CCDC171: variants seen among roughly 807,000 people sequenced by gnomAD.
The protein encoded by CCDC171 is coiled-coil domain containing 171.
In CCDC171, 177 loss-of-function variants were observed where a neutral mutation model predicts 168.2. That is an observed-to-expected ratio of 1.05 (90% CI 0.93 to 1.19). The LOEUF (loss-of-function observed/expected upper bound fraction) is 1.19, where lower values mean the gene tolerates loss of function less well. CCDC171 is among the 50% of genes most tolerant of loss of function. CCDC171 has a pLI of 0.00. For missense variants in CCDC171, 1,991 were observed against 1,539.0 expected (o/e 1.29, Z -4.91); for synonymous variants, 687 against 540.8 (o/e 1.27, Z -3.75).
At chr9:15,996,902 G>A (rs1419496323) in intron 3 of CCDC171, among the ~76,000 whole-genome samples, 1 of 152,146 alleles carries the variant, frequency 6.6e-6, no homozygotes, top group Non-Finnish European at 1.5e-5. Flanking sequence ...GATACATCAT[G>A]CATTAAGAAA....
At chr9:15,689,980 T>C (rs2050676652) in intron 10 of CCDC171, among the ~76,000 whole-genome samples, 1 of 152,166 alleles carries the variant, frequency 6.6e-6, no homozygotes, top group African/African-American at 2.4e-5. Flanking sequence ...CAAATGGTGC[T>C]GAGAGAACTG....
intron 21 of CCDC171, among the ~76,000 whole-genome samples, chr9:15,824,405 T>G (rs977973590): frequency 6.6e-6 from 1 of 152,066 alleles, no homozygotes; most frequent in African/African-American, 2.4e-5. Flanking sequence ...TAGAAATATA[T>G]TCTGTGATGT....
At chr9:15,634,721 C>T (rs2046060777) in intron 7 of CCDC171, among the ~76,000 whole-genome samples, 2 of 152,202 alleles carry the variant, frequency 1.3e-5, no homozygotes, top group Admixed American at 6.5e-5. Flanking sequence ...GTATTCACAG[C>T]ATTGTGCAAC....
At position 15,563,081 on chromosome 9, in the gene CCDC171, C is replaced by G. The variant is rs899043819; in HGVS notation, c.-111-897C>G. On this transcript the variant is annotated intron_variant, in intron 1 of 25. Coordinates refer to ENST00000380701, the MANE Select transcript of CCDC171 (RefSeq NM_173550.4). ...TTAGAAAGAACTTGAACTTCAGTGT[C>G]AGAGAGTTATGAATTGGAATCTTGG... Among the ~76,000 whole-genome samples the G allele has an allele frequency of 1.6e-4, 24 of 150,688 alleles. 1 individual carries two copies. Among genetic ancestry groups the G allele is most frequent in the Admixed American group, 1.5e-3 (22 of 15,160 alleles).
rs1246002379 is a variant in CCDC171, at chr9:15,724,940, G to T, written c.1656G>T (p.Leu552=). The change falls in exon 14 of 26, where the codon CTG becomes CTT. Residue 552 remains leucine (L), a synonymous_variant. Transcript: ENST00000380701. ...AGGCAGCCCAGTCTGAAAGTGAACT[G>T]CAGAAGCTTTCCCAGGCTTTCCATA... ...KAQAAQSESE[L]QKLSQAFHKD... 3 of 1,613,800 alleles carry T rather than the reference G, an allele frequency of 1.9e-6. No individual in the cohort carries two copies.
At chr9:15,649,767 G>A (rs1564136477) in intron 7 of CCDC171, among the ~76,000 whole-genome samples, 1 of 152,230 alleles carries the variant, frequency 6.6e-6, no homozygotes, top group African/African-American at 2.4e-5. Context: ...TAGAGAGGAT[G>A]TGGAGAAATA....
At chr9:15,727,818 T>C in intron 14 of CCDC171, 51 bp from the exon 15 acceptor site, 1 of 1,438,572 alleles carries the variant, frequency 7.0e-7, no homozygotes, top group Non-Finnish European at 9.4e-7. Context: ...GTATTTTACT[T>C]CTTACAATGT....
chr9:15,766,483 C>G (rs11998843), intron 18 of CCDC171, among the ~76,000 whole-genome samples: 3,726 of 151,160 alleles, frequency 0.025, 156 homozygotes, highest in African/African-American at 0.087. Flanking sequence ...TTCCATATTG[C>G]AATAAATTAA....
chr9:15,877,695 GA>G (rs1195391218), intron 24 of CCDC171, among the ~76,000 whole-genome samples: 2 of 152,020 alleles, frequency 1.3e-5, no homozygotes, highest in East Asian at 3.9e-4. Context: ...ACCCCTATTA[GA>G]CCAATTAGCT....
chr9:15,714,922 G>A (rs560586403), intron 11 of CCDC171, among the ~76,000 whole-genome samples: 1 of 152,220 alleles, frequency 6.6e-6, no homozygotes, highest in African/African-American at 2.4e-5. Flanking sequence ...ATCTCTGTAG[G>A]TCAAACCATT....
chr9:15,703,398 A>G (rs1385752180), intron 11 of CCDC171, among the ~76,000 whole-genome samples: 1 of 152,164 alleles, frequency 6.6e-6, no homozygotes, highest in East Asian at 1.9e-4. Context: ...ATCCATTAAT[A>G]TATCTCTCTT....
rs112188987 is a variant in CCDC171, at chr9:15,669,025, A to G, written c.1076+2702A>G. 2.0e-5 allele frequency among the ~76,000 whole-genome samples: 3 copies of G among 152,132 alleles called. No individual in the cohort carries two copies. In the East Asian group the frequency reaches 5.8e-4, roughly 29 times the overall value. ...TTTACCTGTTGTGAACTGACGTAGC[A>G]GTTTATCATGCTTGAACCTGCCATT... On this transcript the variant is annotated intron_variant, in intron 9 of 25. Coordinates refer to ENST00000380701, the MANE Select transcript of CCDC171 (RefSeq NM_173550.4).
intron 3 of CCDC171, among the ~76,000 whole-genome samples, chr9:16,010,806 A>T (rs180736191): frequency 7.1e-4 from 108 of 151,946 alleles, no homozygotes; most frequent in African/African-American, 2.5e-3. Flanking sequence ...CCAGTTTATA[A>T]CCAGTGGTAT....
chr9:16,018,348 C>T (rs1833082735), intron 3 of CCDC171, among the ~76,000 whole-genome samples: 1 of 152,156 alleles, frequency 6.6e-6, no homozygotes, highest in African/African-American at 2.4e-5. Flanking sequence ...CATATACTCC[C>T]ACATTGCAGG....
chr9:15,802,035 G>A (rs2058851397), intron 21 of CCDC171, among the ~76,000 whole-genome samples: 1 of 151,754 alleles, frequency 6.6e-6, no homozygotes, highest in Admixed American at 6.6e-5. Context: ...TTCTGTTGGG[G>A]ATTTTTGCCT....
chr9:15,614,343 A>G (rs917564103), intron 6 of CCDC171, among the ~76,000 whole-genome samples: 1 of 152,098 alleles, frequency 6.6e-6, no homozygotes, highest in Admixed American at 6.6e-5. Context: ...ATAAGCTACT[A>G]CTATTCTGAG....
At chr9:15,679,706 C>G (rs2133433361) in intron 10 of CCDC171, among the ~76,000 whole-genome samples, 2 of 152,170 alleles carry the variant, frequency 1.3e-5, no homozygotes, top group South Asian at 4.1e-4. Flanking sequence ...TGCCACCTTG[C>G]TTGGCTAGTT....
At chr9:16,054,009 C>T (rs1318717396) in intron 1 of CCDC171, among the ~76,000 whole-genome samples, 1 of 152,244 alleles carries the variant, frequency 6.6e-6, no homozygotes, top group Admixed American at 6.5e-5. Flanking sequence ...TTCCCAGAAC[C>T]TGCAGCCTGG....
At chr9:15,629,630 C>T (rs536931532) in intron 7 of CCDC171, among the ~76,000 whole-genome samples, 2 of 152,290 alleles carry the variant, frequency 1.3e-5, no homozygotes. Context: ...AGAACTTCCC[C>T]AATCTAGCAA....
Sources: allele counts gnomAD v4.1 joint callset (sites outside exome capture counted in the v4.1 genomes callset), GRCh38; gene constraint gnomAD v4.1.1; transcripts MANE v1.5; gene names NCBI Gene and HGNC (gene_info 2026-07-23, HGNC 2026-07-21).